The following MAPK4 variants were observed in gnomAD, a reference collection of about 807,000 sequenced individuals.
The protein encoded by MAPK4 is mitogen-activated protein kinase 4, also known as Erk3-related.
In MAPK4, 22 loss-of-function variants were observed where a neutral mutation model predicts 47.7. That is an observed-to-expected ratio of 0.46 (90% CI 0.33 to 0.66). The LOEUF (loss-of-function observed/expected upper bound fraction) is 0.66, where lower values mean the gene tolerates loss of function less well. MAPK4 is among the 30% of genes least tolerant of loss of function. The pLI is 0.02. For missense variants in MAPK4, 736 were observed against 831.7 expected (o/e 0.88, Z 1.42); for synonymous variants, 390 against 365.7 (o/e 1.07, Z -0.76).
intron 2 of MAPK4, among the ~76,000 whole-genome samples, chr18:50,668,159 G>A (rs1006974774): frequency 1.3e-5 from 2 of 152,196 alleles, no homozygotes; most frequent in African/African-American, 4.8e-5. Context: ...CAAATAAACA[G>A]CCAGGTGAAA....
At chr18:50,661,458 C>T (rs2043170983) in intron 1 of MAPK4, among the ~76,000 whole-genome samples, 1 of 152,164 alleles carries the variant, frequency 6.6e-6, no homozygotes. Flanking sequence ...TGGATATTGA[C>T]CCTATGTATG....
chr18:50,675,737 G>A (rs532164486), intron 2 of MAPK4, among the ~76,000 whole-genome samples: 5 of 152,172 alleles, frequency 3.3e-5, no homozygotes, highest in African/African-American at 7.2e-5. Context: ...TGATCTGCCC[G>A]CCTCAGCCTC....
chr18:50,701,975 A>G (rs1909810171), intron 2 of MAPK4, among the ~76,000 whole-genome samples: 1 of 152,070 alleles, frequency 6.6e-6, no homozygotes, highest in African/African-American at 2.4e-5. Context: ...AGCCTGGGCA[A>G]CATAGTGAAA....
intron 1 of MAPK4, among the ~76,000 whole-genome samples, chr18:50,625,907 CACACACACACACACACACACAT>C (rs1420099407): frequency 3.8e-4 from 56 of 146,152 alleles, no homozygotes; most frequent in East Asian, 1.6e-3. Context: ...CACACACACA[CACACACACACACACACACACAT>C]ATATAATGAC....
chr18:50,567,965 G>A (rs1414133589), intron 1 of MAPK4, among the ~76,000 whole-genome samples: 1 of 152,028 alleles, frequency 6.6e-6, no homozygotes, highest in Non-Finnish European at 1.5e-5. Flanking sequence ...GGGAGGCCGA[G>A]GCAGGCTGAT....
chr18:50,607,029 C>T lies in MAPK4; in HGVS notation c.-871+46786C>T, dbSNP rs2042588754. On this transcript the variant is annotated intron_variant, in intron 1 of 5. Coordinates refer to ENST00000400384, the MANE Select transcript of MAPK4 (RefSeq NM_002747.4). ...TAAACCTGGCAGTGTTAAGCCAGTG[C>T]GATTTTGATGCTGTTTCTTACTGCA... is the stretch of plus-strand genomic sequence containing the variant. Among the ~76,000 whole-genome samples the T allele has an allele frequency of 3.3e-5, 5 of 152,184 alleles. 1 individual carries two copies. Among genetic ancestry groups the T allele is most frequent in the African/African-American group, 1.2e-4 (5 of 41,426 alleles).
At chr18:50,712,851 C>T (rs1910450546) in intron 2 of MAPK4, among the ~76,000 whole-genome samples, 1 of 152,166 alleles carries the variant, frequency 6.6e-6, no homozygotes, top group South Asian at 2.1e-4. Context: ...ACAATCTCAC[C>T]CTCTGACTGA....
At position 50,729,813 on chromosome 18, in the gene MAPK4, G is replaced by C; in HGVS notation, c.1723G>C (p.Asp575His). 1 of 1,612,234 alleles carries C rather than the reference G, an allele frequency of 6.2e-7. No individual in the cohort carries two copies. The highest frequency in any genetic ancestry group is 2.2e-5 in the East Asian group (1 of 44,842). ...NGACIPEHPG[D>H]LVQTEAFSKE... ...TGCGTGCATCCCCGAGCACCCTGGC[G>C]ACCTCGTGCAGACCGAGGCCTTCTC... is the stretch of plus-strand genomic sequence containing the variant. The change falls in exon 6 of 6, where the codon GAC becomes CAC. Residue 575 changes from aspartate to histidine, a missense_variant. Asp to His is a moderately conservative substitution (Grantham distance 81). Transcript: ENST00000400384.
At chr18:50,611,118 A>G (rs2042629401) in intron 1 of MAPK4, among the ~76,000 whole-genome samples, 1 of 152,192 alleles carries the variant, frequency 6.6e-6, no homozygotes, top group Non-Finnish European at 1.5e-5. Context: ...CCAACAAGCA[A>G]AGAGCAGGTT....
chr18:50,610,972 C>T (rs2042628242), intron 1 of MAPK4, among the ~76,000 whole-genome samples: 1 of 152,158 alleles, frequency 6.6e-6, no homozygotes, highest in African/African-American at 2.4e-5. Flanking sequence ...TGGACATGTA[C>T]TTAGGTCACC....
rs1908223291 is a variant in MAPK4 at position 50,675,672 on chromosome 18, A to G, written c.546+11168A>G. Reference sequence around the variant, plus strand: ...TTGCCCAGCTAATTTTTATATTTTTAGTAGAGGCGGGGTTTCATCATGTTG... The same window carrying G: ...TTGCCCAGCTAATTTTTATATTTTTGGTAGAGGCGGGGTTTCATCATGTTG... On this transcript the variant is annotated intron_variant, in intron 2 of 5. Coordinates refer to ENST00000400384, the MANE Select transcript of MAPK4 (RefSeq NM_002747.4). Among the ~76,000 whole-genome samples, 3 of 152,018 alleles carry G rather than the reference A, an allele frequency of 2.0e-5. No homozygotes were observed. In the South Asian group the frequency reaches 6.2e-4, roughly 32 times the overall value.
At chr18:50,571,386 GAATT>G (rs775387288) in intron 1 of MAPK4, among the ~76,000 whole-genome samples, 12 of 152,284 alleles carry the variant, frequency 7.9e-5, no homozygotes, top group Non-Finnish European at 1.3e-4. Context: ...AATGAAAAAT[GAATT>G]AATTAATTTT....
intron 3 of MAPK4, among the ~76,000 whole-genome samples, chr18:50,717,229 G>A (rs1910686988): frequency 1.3e-5 from 2 of 152,224 alleles, no homozygotes; most frequent in South Asian, 2.1e-4. Context: ...GAACTGCTCA[G>A]GGGAGGAGAG....
Position 50,617,093 on chromosome 18 carries a change from T to C in MAPK4, c.-870-45996T>C, listed in dbSNP as rs185279528. Among the ~76,000 whole-genome samples, 12 of 152,330 alleles carry C rather than the reference T, an allele frequency of 7.9e-5. No homozygotes were observed. In the South Asian group the frequency reaches 1.9e-3, roughly 24 times the overall value. On this transcript the variant is annotated intron_variant, in intron 1 of 5. Transcript: ENST00000400384. ...TTTGGCTGTAAGGCTTTATGTTTCT[T>C]TGAACTATTGTGCAAGATGGAGGAC...
intron 1 of MAPK4, among the ~76,000 whole-genome samples, chr18:50,609,729 G>T (rs2042615858): frequency 6.6e-6 from 1 of 152,144 alleles, no homozygotes; most frequent in African/African-American, 2.4e-5. Flanking sequence ...CTTGCCATAG[G>T]TCACATAGGT....
At chr18:50,584,876 T>A (rs1021254016) in intron 1 of MAPK4, among the ~76,000 whole-genome samples, 3 of 152,204 alleles carry the variant, frequency 2.0e-5, no homozygotes, top group Non-Finnish European at 2.9e-5. Context: ...GAATATTGAT[T>A]ACAAACTACA....
At chr18:50,634,641 A>G (rs902086852) in intron 1 of MAPK4, among the ~76,000 whole-genome samples, 1 of 152,198 alleles carries the variant, frequency 6.6e-6, no homozygotes, top group African/African-American at 2.4e-5. Flanking sequence ...TTTGTAGATC[A>G]TGGAAGAAAT....
intron 1 of MAPK4, among the ~76,000 whole-genome samples, chr18:50,585,756 C>T (rs2042382728): frequency 6.6e-6 from 1 of 152,228 alleles, no homozygotes; most frequent in Non-Finnish European, 1.5e-5. Flanking sequence ...AATTGACTTA[C>T]AGTTCCACAG....
intron 3 of MAPK4, 93 bp downstream of exon 3, chr18:50,715,316 C>T: frequency 4.3e-6 from 6 of 1,399,044 alleles, no homozygotes; most frequent in Non-Finnish European, 5.8e-6. Context: ...ACAAAACATG[C>T]TCATCTTTTG....
Sources: allele counts gnomAD v4.1 joint callset (sites outside exome capture counted in the v4.1 genomes callset), GRCh38; gene constraint gnomAD v4.1.1; transcripts MANE v1.5; gene names NCBI Gene and HGNC (gene_info 2026-07-23, HGNC 2026-07-21).